The following ADAMTS2 variants were observed in gnomAD, a reference collection of about 807,000 sequenced individuals.
ADAMTS2 encodes the protein ADAM metallopeptidase with thrombospondin type 1 motif 2, also known as A disintegrin and metalloproteinase with thrombospondin motifs 2.
A neutral mutation model predicts 123.0 loss-of-function variants in ADAMTS2; 50 were observed. That is an observed-to-expected ratio of 0.41 (90% CI 0.32 to 0.51). The LOEUF (loss-of-function observed/expected upper bound fraction) is 0.51. Among genes scored for constraint, ADAMTS2 ranks in the 20% least tolerant of loss-of-function variants. The pLI is 0.35. For synonymous variants in ADAMTS2, 678 were observed against 695.4 expected, an observed-to-expected ratio of 0.98 and a Z score of 0.39; for missense variants, 1,494 against 1,705.2, an observed-to-expected ratio of 0.88 and a Z score of 2.18.
At chr5:179,208,053 G>A (rs1055105807) in intron 3 of ADAMTS2, among the ~76,000 whole-genome samples, 14 of 152,044 alleles carry the variant, frequency 9.2e-5, no homozygotes, top group South Asian at 4.1e-4. Flanking sequence ...CAGCATCACC[G>A]TCTGCCTTAT....
At chr5:179,214,575 G>T (rs567891390) in intron 3 of ADAMTS2, among the ~76,000 whole-genome samples, 2 of 146,302 alleles carry the variant, frequency 1.4e-5, no homozygotes, top group Non-Finnish European at 3.1e-5. Context: ...GGAATAACCC[G>T]CAAGAAAGCA....
At chr5:179,190,526 G>T (rs1213656397) in intron 4 of ADAMTS2, among the ~76,000 whole-genome samples, 1 of 152,176 alleles carries the variant, frequency 6.6e-6, no homozygotes, top group Non-Finnish European at 1.5e-5. Flanking sequence ...AGTGCCCAAG[G>T]GGGTTCAGCA....
intron 2 of ADAMTS2, among the ~76,000 whole-genome samples, chr5:179,313,950 G>A (rs926902271): frequency 7.9e-6 from 1 of 125,872 alleles, no homozygotes; most frequent in Non-Finnish European, 1.7e-5. Context: ...GGACGCACAC[G>A]CATTCACACT....
At position 179,189,483 on chromosome 5, in the gene ADAMTS2, G is replaced by A. The variant is rs1561795886; in HGVS notation, c.892-8328C>T. Among the ~76,000 whole-genome samples, 5 of 150,294 alleles carry A rather than the reference G, an allele frequency of 3.3e-5. No homozygotes were observed. In the South Asian group the frequency reaches 1.1e-3, roughly 32 times the overall value. ...TTGCCTCAGCCTCCCGAGTAGCTGG[G>A]GCTACAGGCGCCCGCCAGTGCGCCT... On this transcript the variant is annotated intron_variant, in intron 4 of 21. Coordinates refer to ENST00000251582, the MANE Select transcript of ADAMTS2 (RefSeq NM_014244.5). The surrounding 1 kb of genome is among the most constrained non-coding windows in gnomAD (Gnocchi z 4.2).
At chr5:179,261,960 G>A (rs539891939) in intron 3 of ADAMTS2, among the ~76,000 whole-genome samples, 1 of 152,334 alleles carries the variant, frequency 6.6e-6, no homozygotes, top group East Asian at 1.9e-4. Flanking sequence ...AAGAGGAGGT[G>A]GCAGTGCATC....
intron 4 of ADAMTS2, 38 bp downstream of exon 4, chr5:179,207,475 T>TCCCCC: frequency 5.1e-6 from 3 of 588,618 alleles, no homozygotes; most frequent in Admixed American, 2.0e-5. Context: ...TGGTTGACCC[T>TCCCCC]CCCCGCCCCA....
chr5:179,290,546 T>C (rs549068086), intron 2 of ADAMTS2, among the ~76,000 whole-genome samples: 1 of 152,374 alleles, frequency 6.6e-6, no homozygotes, highest in East Asian at 1.9e-4. Flanking sequence ...GTCCTTGTTC[T>C]ACGTTGCATA....
intron 5 of ADAMTS2, among the ~76,000 whole-genome samples, chr5:179,178,412 A>G (rs535254166): frequency 6.6e-6 from 1 of 152,352 alleles, no homozygotes; most frequent in Admixed American, 6.5e-5. Flanking sequence ...CCTCCTAGCC[A>G]GCATTCACTG....
Position 179,155,556 on chromosome 5 carries a change from C to T in ADAMTS2, c.1133-637G>A, listed in dbSNP as rs1434344558. Among the ~76,000 whole-genome samples, 7 of 152,302 alleles carry T rather than the reference C, an allele frequency of 4.6e-5. No homozygotes were observed. The highest frequency in any genetic ancestry group is 1.9e-4 in the East Asian group (1 of 5,176). ...CTGGTGCGGACTGGGAGGTCAGAGCCGCCGTAGAAGATGAGGCCAGTGGCC... is the reference window on the plus strand; with the variant it reads ...CTGGTGCGGACTGGGAGGTCAGAGCTGCCGTAGAAGATGAGGCCAGTGGCC... On this transcript the variant is annotated intron_variant, in intron 6 of 21. Coordinates refer to ENST00000251582, the MANE Select transcript of ADAMTS2 (RefSeq NM_014244.5). The surrounding 1 kb of genome is among the most constrained non-coding windows in gnomAD (Gnocchi z 5.1).
chr5:179,137,993 C>T (rs1444778005), intron 11 of ADAMTS2, 49 bp from the exon 12 acceptor site: 2 of 1,535,786 alleles, frequency 1.3e-6, no homozygotes, highest in Admixed American at 2.0e-5. Context: ...TGGAAAGAGG[C>T]AGCACCCGGG....
At chr5:179,213,288 C>T (rs978698771) in intron 3 of ADAMTS2, among the ~76,000 whole-genome samples, 1 of 152,200 alleles carries the variant, frequency 6.6e-6, no homozygotes, top group Non-Finnish European at 1.5e-5. Flanking sequence ...TGATTTCTCC[C>T]GACAGCACCC....
At chr5:179,116,536 G>C (rs541809738) in intron 21 of ADAMTS2, among the ~76,000 whole-genome samples, 1 of 152,148 alleles carries the variant, frequency 6.6e-6, no homozygotes, top group East Asian at 1.9e-4. Flanking sequence ...AGCCAAGCTC[G>C]CATCTAATTG....
intron 3 of ADAMTS2, among the ~76,000 whole-genome samples, chr5:179,257,249 G>C (rs935654126): frequency 6.6e-6 from 1 of 152,214 alleles, no homozygotes; most frequent in Non-Finnish European, 1.5e-5. Flanking sequence ...GGGAGCTCCC[G>C]GGATATTGCC....
intron 3 of ADAMTS2, among the ~76,000 whole-genome samples, chr5:179,214,731 A>C (rs1764935576): frequency 6.6e-6 from 1 of 152,186 alleles, no homozygotes; most frequent in Admixed American, 6.5e-5. Context: ...GACCTCAGTA[A>C]ATGAAGCTAC....
rs569007303 is a variant in ADAMTS2 at position 179,302,645 on chromosome 5, G to A, written c.535-29581C>T. On this transcript the variant is annotated intron_variant, in intron 2 of 21. Transcript: ENST00000251582. ...GACCCTGGGTGCTATCTCCCGGGGG[G>A]GCAAATGGCAGTAAGCAAGCAAAGA... 5.3e-5 allele frequency among the ~76,000 whole-genome samples: 8 copies of A among 152,016 alleles called. No individual in the cohort carries two copies. In the South Asian group the frequency reaches 1.7e-3, roughly 32 times the overall value.
chr5:179,309,563 G>A lies in ADAMTS2; in HGVS notation c.534+34204C>T, dbSNP rs548626877. Among the ~76,000 whole-genome samples, 6 of 152,124 alleles carry A rather than the reference G, an allele frequency of 3.9e-5. 1 individual carries two copies. In the South Asian group the frequency reaches 1.0e-3, roughly 26 times the overall value. On this transcript the variant is annotated intron_variant, in intron 2 of 21. Transcript: ENST00000251582. ...ACGAGGTCAGGAAATAGAGACCATC[G>A]TGGCTAACATGGTGAAACCCTGTCT... is the stretch of plus-strand genomic sequence containing the variant.
At position 179,127,962 on chromosome 5, in the gene ADAMTS2, C is replaced by T. The variant is rs779277427; in HGVS notation, c.2614G>A (p.Gly872Arg). The T allele has an allele frequency of 5.6e-6, 9 of 1,613,772 alleles. No individual in the cohort carries two copies. Among genetic ancestry groups the T allele is most frequent in the Admixed American group, 3.3e-5 (2 of 60,030 alleles). ...KWSPCSKPCG[G>R]GSQFTKYGCR... ...CCCAGCTTCGAGACCCCCTCACCTC[C>T]GCCACAGGGCTTGGAGCACGGAGAC... The change falls in exon 17 of 22, where the codon GGA becomes AGA. Residue 872 changes from glycine (G) to arginine (R), a missense_variant. By Grantham distance (125) the Gly-to-Arg change is moderately radical. This residue lies in a region of ADAMTS2 where 953 missense variants were observed against 1,124.7 expected (regional missense o/e 0.85). Transcript: ENST00000251582.
At position 179,197,352 on chromosome 5, in the gene ADAMTS2, T is replaced by C. The variant is rs2113351052; in HGVS notation, c.891+10161A>G. On this transcript the variant is annotated intron_variant, in intron 4 of 21. Transcript: ENST00000251582. The surrounding 1 kb of genome is among the most constrained non-coding windows in gnomAD (Gnocchi z 4.2). ...GATTGAAATTAGCGCTTTAGTGAAA[T>C]GCTTGAAGCCACAAAGGAAGCTTCA... 6.6e-6 allele frequency among the ~76,000 whole-genome samples: 1 copy of C among 152,326 alleles called. No individual in the cohort carries two copies. Among genetic ancestry groups the C allele is most frequent in the East Asian group, 1.9e-4 (1 of 5,176 alleles).
At chr5:179,131,649 TC>T (rs1177133647) in intron 15 of ADAMTS2, among the ~76,000 whole-genome samples, 1 of 152,030 alleles carries the variant, frequency 6.6e-6, no homozygotes, top group African/African-American at 2.4e-5. Flanking sequence ...CCTGAGAGCC[TC>T]CCGCGTGGCC....
Sources: allele counts gnomAD v4.1 joint callset (sites outside exome capture counted in the v4.1 genomes callset), GRCh38; gene constraint gnomAD v4.1.1; regional missense constraint gnomAD v4.1.1; non-coding constraint Gnocchi (gnomAD v3.1); transcripts MANE v1.5; gene names NCBI Gene and HGNC (gene_info 2026-07-23, HGNC 2026-07-21).